Variants in ARID4A observed in about 807,000 individuals in gnomAD.
ARID4A encodes AT-rich interaction domain 4A.
ARID4A carries 39 observed loss-of-function variants against 148.6 expected under a neutral mutation model. That is an observed-to-expected ratio of 0.26 (90% CI 0.20 to 0.34). The LOEUF is 0.34. Among genes scored for constraint, ARID4A ranks in the 10% least tolerant of loss-of-function variants. The pLI is 1.00. For synonymous variants in ARID4A, 475 were observed against 481.2 expected, an observed-to-expected ratio of 0.99 and a Z score of 0.17; for missense variants, 1,265 against 1,449.1, an observed-to-expected ratio of 0.87 and a Z score of 2.06.
At position 58,298,575 on chromosome 14, in the gene ARID4A, G is replaced by A. The variant is rs962886846; in HGVS notation, c.-183G>A. ...TGGTGGATTGTGGCAGTAAATCGGG[G>A]CGAGTGGGGAACCCGGCGCAGGAAC... On this transcript the variant is annotated 5_prime_UTR_variant, in exon 1 of 24. Transcript: ENST00000355431. 7.2e-5 allele frequency: 11 copies of A among 153,036 alleles called. No homozygotes were observed. Among genetic ancestry groups the A allele is most frequent in the Admixed American group, 3.9e-4 (6 of 15,284 alleles). The allele number at this position is 153,036 out of a possible 1,614,324, so 9.5% of individuals were successfully genotyped here. A position where few individuals can be genotyped will look rare whatever the true frequency, so the allele number is the denominator to read the frequency against.
intron 5 of ARID4A, among the ~76,000 whole-genome samples, chr14:58,310,978 G>T (rs1190941769): frequency 1.3e-5 from 2 of 152,122 alleles, no homozygotes; most frequent in Admixed American, 6.5e-5. Flanking sequence ...GGGCACGGTG[G>T]CTCACGCCTG....
intron 7 of ARID4A, among the ~76,000 whole-genome samples, chr14:58,322,787 A>C (rs2032975066): frequency 6.6e-6 from 1 of 150,830 alleles, no homozygotes; most frequent in Admixed American, 6.6e-5. Context: ...CATGGTGAAA[A>C]CCTGTCTCTA....
Position 58,364,717 on chromosome 14 carries a change from A to G in ARID4A, c.2628A>G (p.Glu876=), listed in dbSNP as rs541159926. The G allele has an allele frequency of 1.2e-6, 2 of 1,613,910 alleles. No individual in the cohort carries two copies. Among genetic ancestry groups the G allele is most frequent in the Non-Finnish European group, 1.7e-6 (2 of 1,179,950 alleles). The change falls in exon 20 of 24, where the codon GAA becomes GAG. Residue 876 remains glutamate, a synonymous_variant. Transcript: ENST00000355431. The stretch of plus-strand genomic sequence containing the variant: ...AAATAAGAATTGAGAATGGAATGGA[A>G]ATGACAAATACTGTATCTCAAGAAA... ...EKKIRIENGM[E]MTNTVSQERT... is the part of the protein sequence containing the mutation.
At position 58,361,047 on chromosome 14, in the gene ARID4A, C is replaced by T; in HGVS notation, c.2080+5C>T. 3 of 1,612,934 alleles carry T rather than the reference C, an allele frequency of 1.9e-6. No individual in the cohort carries two copies. Among genetic ancestry groups the T allele is most frequent in the Non-Finnish European group, 1.7e-6 (2 of 1,179,530 alleles). ...CAAACAGTGAAGGAAAATCAGGTACCAGAAGTGCTCGCAGCAATATACCAG... is the reference window on the plus strand; with the variant it reads ...CAAACAGTGAAGGAAAATCAGGTACTAGAAGTGCTCGCAGCAATATACCAG... On this transcript the variant is annotated splice_donor_5th_base_variant and intron_variant, in intron 19 of 23. Transcript: ENST00000355431.
intron 11 of ARID4A, among the ~76,000 whole-genome samples, chr14:58,339,146 TA>T (rs1000212259): frequency 2.6e-5 from 4 of 151,424 alleles, no homozygotes; most frequent in Admixed American, 6.6e-5. Flanking sequence ...AATTTATTAT[TA>T]TTTTTTTTTT....
intron 7 of ARID4A, among the ~76,000 whole-genome samples, chr14:58,321,969 T>TTTTG (rs1319795793): frequency 6.6e-6 from 1 of 151,958 alleles, no homozygotes; most frequent in African/African-American, 2.4e-5. Flanking sequence ...TTTTTTGGTT[T>TTTTG]TTTGTTTGTT....
Position 58,301,665 on chromosome 14 carries a change from CTG to C in ARID4A, c.95_96del (p.Val32GlufsTer7). On this transcript the variant is annotated frameshift_variant, in exon 3 of 24. Coordinates refer to ENST00000355431, the MANE Select transcript of ARID4A (RefSeq NM_002892.4). LOFTEE classifies it high-confidence loss of function. Reference sequence around the variant, plus strand: ...GCCTTCTGTGAGGCAAAGATTAAGACTGTGAAAAGGCTGGTGAAAGTTAAGGT... The same window carrying C: ...GCCTTCTGTGAGGCAAAGATTAAGACTGAAAAGGCTGGTGAAAGTTAAGGT... The C allele has an allele frequency of 6.2e-7, 1 of 1,613,744 alleles. No homozygotes were observed. Among genetic ancestry groups the C allele is most frequent in the Non-Finnish European group, 8.5e-7 (1 of 1,179,742 alleles).
rs774970418 is a variant in ARID4A, at chr14:58,364,730, G to C, written c.2641G>C (p.Val881Leu). 3.1e-6 allele frequency: 5 copies of C among 1,613,772 alleles called. No individual in the cohort carries two copies. The highest frequency in any genetic ancestry group is 4.2e-6 in the Non-Finnish European group (5 of 1,179,950). ...IENGMEMTNT[V>L]SQERTSDCIG... Reference sequence around the variant, plus strand: ...GAATGGAATGGAAATGACAAATACTGTATCTCAAGAAAGGACCAGTGATTG... The same window carrying C: ...GAATGGAATGGAAATGACAAATACTCTATCTCAAGAAAGGACCAGTGATTG... The change falls in exon 20 of 24, where the codon GTA (valine) becomes CTA (leucine). Residue 881 changes from valine (V) to leucine (L), a missense_variant. This residue lies in a region of ARID4A where 666 missense variants were observed against 730.9 expected (regional missense o/e 0.91). Transcript: ENST00000355431.
At chr14:58,356,068 T>C (rs1409889543) in intron 17 of ARID4A, among the ~76,000 whole-genome samples, 1 of 152,230 alleles carries the variant, frequency 6.6e-6, no homozygotes, top group Non-Finnish European at 1.5e-5. Context: ...TCCTAACGAA[T>C]TTAGCCAGAC....
rs901733864 is a variant in ARID4A at position 58,332,006 on chromosome 14, C to A, written c.906+1837C>A. Among the ~76,000 whole-genome samples, 17 of 147,152 alleles carry A rather than the reference C, an allele frequency of 1.2e-4. No homozygotes were observed. The East Asian group carries it at 2.1e-3, about 18-fold the overall frequency. On this transcript the variant is annotated intron_variant, in intron 11 of 23. Transcript: ENST00000355431. ...AATGCATTTTCCCTACCCCCCCCCC[C>A]CCAAAAAACCCTGAAATTTTAAACA...
At chr14:58,316,667 G>T (rs528276287) in intron 5 of ARID4A, among the ~76,000 whole-genome samples, 1 of 152,178 alleles carries the variant, frequency 6.6e-6, no homozygotes, top group African/African-American at 2.4e-5. Context: ...TGCAACCTCT[G>T]CCTGCCGGGT....
intron 7 of ARID4A, among the ~76,000 whole-genome samples, chr14:58,321,685 C>G (rs1206985202): frequency 1.3e-5 from 2 of 152,010 alleles, no homozygotes; most frequent in Admixed American, 6.6e-5. Context: ...AAGGCAAAGT[C>G]AGATAACACC....
intron 14 of ARID4A, 117 bp downstream of exon 14, chr14:58,347,234 A>C: frequency 1.8e-6 from 1 of 546,238 alleles, no homozygotes; most frequent in Non-Finnish European, 2.9e-6. Context: ...AGTATATAAA[A>C]AGGTTTAGGT....
chr14:58,329,961 G>T, intron 10 of ARID4A, 42 bp from the exon 11 acceptor site: 1 of 1,571,872 alleles, frequency 6.4e-7, no homozygotes, highest in Non-Finnish European at 8.6e-7. Context: ...GTTCTATGCT[G>T]CCAATTCCAT....
In ARID4A at chr14:58,323,896, CTTTTTTTTTTTTT is replaced by C. The variant is rs545318449; in HGVS notation, c.582+293_582+305del. 4.8e-5 allele frequency among the ~76,000 whole-genome samples: 5 copies of C among 104,212 alleles called. 1 individual carries two copies. The highest frequency in any genetic ancestry group is 1.8e-4 in the African/African-American group (5 of 28,148). 68.4% of individuals were successfully genotyped at this position (104,212 alleles called of 152,430 possible). A position where few individuals can be genotyped will look rare whatever the true frequency, so the allele number is the denominator to read the frequency against. On this transcript the variant is annotated intron_variant, in intron 8 of 23. Coordinates refer to ENST00000355431, the MANE Select transcript of ARID4A (RefSeq NM_002892.4). Reference sequence around the variant, plus strand: ...CTCTATTCCCATTACCTTAGGTTCCCTTTTTTTTTTTTTTTTTTTTTTTTTTGAGATGGAGTCT... The same window carrying C: ...CTCTATTCCCATTACCTTAGGTTCCCTTTTTTTTTTTTTGAGATGGAGTCT...
At chr14:58,311,565 G>A (rs1446691826) in intron 5 of ARID4A, among the ~76,000 whole-genome samples, 3 of 152,160 alleles carry the variant, frequency 2.0e-5, no homozygotes, top group African/African-American at 7.2e-5. Context: ...ACTACCATAT[G>A]ATCCAGCAAT....
chr14:58,366,387 A>G (rs1018070955), intron 22 of ARID4A, among the ~76,000 whole-genome samples, 157 bp downstream of exon 22: 2 of 152,234 alleles, frequency 1.3e-5, no homozygotes, highest in Non-Finnish European at 2.9e-5. Context: ...TGTTGTCTTA[A>G]GTATAAATCT....
Position 58,326,407 on chromosome 14 carries a change from A to G in ARID4A, c.583-1830A>G, listed in dbSNP as rs538547310. ...AGCTGAGATCGCGCCACTGCACTCC[A>G]GCCTGGGCAACAAAGCAAGACTCTG... On this transcript the variant is annotated intron_variant, in intron 8 of 23. Coordinates refer to ENST00000355431, the MANE Select transcript of ARID4A (RefSeq NM_002892.4). 4.8e-3 allele frequency among the ~76,000 whole-genome samples: 727 copies of G among 152,344 alleles called. 6 individuals are homozygous for G. Among genetic ancestry groups the G allele is most frequent in the African/African-American group, 0.017 (700 of 41,570 alleles).
intron 18 of ARID4A, among the ~76,000 whole-genome samples, chr14:58,360,656 C>G (rs1415928228): frequency 6.6e-6 from 1 of 152,078 alleles, no homozygotes; most frequent in African/African-American, 2.4e-5. Flanking sequence ...TACATAAATA[C>G]AAAATATGTT....
Sources: allele counts gnomAD v4.1 joint callset (sites outside exome capture counted in the v4.1 genomes callset), GRCh38; gene constraint gnomAD v4.1.1; regional missense constraint gnomAD v4.1.1; transcripts MANE v1.5; gene names NCBI Gene and HGNC (gene_info 2026-07-23, HGNC 2026-07-21).